CACNA2D3: variants seen among roughly 807,000 people sequenced by gnomAD.
The protein encoded by CACNA2D3 is voltage-dependent calcium channel subunit alpha-2/delta-3.
In CACNA2D3, 60 loss-of-function variants were observed where a neutral mutation model predicts 160.6. The observed-to-expected ratio is 0.37, with a 90% CI of 0.30 to 0.46. CACNA2D3 has a LOEUF of 0.46. Among genes scored for constraint, CACNA2D3 ranks in the 20% least tolerant of loss-of-function variants. The pLI is 1.00. For synonymous variants in CACNA2D3, 558 were observed against 492.9 expected (o/e 1.13, Z -1.75); for missense variants, 1,205 against 1,365.0 (o/e 0.88, Z 1.85).
At chr3:55,049,054 C>G (rs1179968148) in intron 35 of CACNA2D3, among the ~76,000 whole-genome samples, 1 of 151,266 alleles carries the variant, frequency 6.6e-6, no homozygotes, top group African/African-American at 2.4e-5. Flanking sequence ...AAAAAACCAG[C>G]TCCTGGATTC....
At chr3:54,237,008 CT>C (rs74553858) in intron 2 of CACNA2D3, among the ~76,000 whole-genome samples, 725 of 140,420 alleles carry the variant, frequency 5.2e-3, no homozygotes, top group Middle Eastern at 7.5e-3. Flanking sequence ...CCTGAAACTT[CT>C]TTTTTTTTTT....
chr3:54,642,224 A>T lies in CACNA2D3; in HGVS notation c.1150A>T (p.Asn384Tyr), dbSNP rs745356143. The change falls in exon 11 of 38, where the codon AAT becomes TAT. Residue 384 changes from asparagine (N) to tyrosine (Y), a missense_variant. Asn to Tyr is a moderately radical substitution (Grantham distance 143). Around this residue, in one of 3 missense-constraint regions of CACNA2D3, gnomAD observed 911 missense variants for 1,002.2 expected, o/e 0.91. Coordinates refer to ENST00000474759, the MANE Select transcript of CACNA2D3 (RefSeq NM_018398.3). ...DTYDTIFAKYNWPDRKVRIFT... is the reference protein window; with the variant it reads ...DTYDTIFAKYYWPDRKVRIFT... The stretch of plus-strand genomic sequence containing the variant: ...CTATGATACAATCTTTGCAAAATAC[A>T]ATTGGCCAGATCGAAAGGTAAGTTG... 1 of 1,610,552 alleles carries T rather than the reference A, an allele frequency of 6.2e-7. No individual in the cohort carries two copies. Among genetic ancestry groups the T allele is most frequent in the Non-Finnish European group, 8.5e-7 (1 of 1,177,966 alleles).
intron 4 of CACNA2D3, among the ~76,000 whole-genome samples, chr3:54,482,680 C>CA (rs1470777884): frequency 6.6e-5 from 10 of 152,168 alleles, no homozygotes; most frequent in Non-Finnish European, 8.8e-5. Flanking sequence ...GGGATTCACA[C>CA]ATTGAAGTTT....
chr3:54,200,089 G>A (rs769326180), intron 2 of CACNA2D3, among the ~76,000 whole-genome samples: 5 of 152,214 alleles, frequency 3.3e-5, no homozygotes, highest in African/African-American at 4.8e-5. Flanking sequence ...GTTTACCTGT[G>A]GAATCGGAGG....
intron 17 of CACNA2D3, among the ~76,000 whole-genome samples, chr3:54,866,829 G>T (rs1489471023): frequency 6.6e-6 from 1 of 152,200 alleles, no homozygotes; most frequent in Non-Finnish European, 1.5e-5. Context: ...TTGCTCCTCG[G>T]ATGAGTGCCC....
intron 2 of CACNA2D3, among the ~76,000 whole-genome samples, chr3:54,171,704 G>A (rs1254680607): frequency 6.6e-6 from 1 of 152,162 alleles, no homozygotes; most frequent in Non-Finnish European, 1.5e-5. Flanking sequence ...TGTTTTGCTA[G>A]CCCAAGGTCT....
At chr3:54,973,841 A>G (rs373316412) in intron 29 of CACNA2D3, among the ~76,000 whole-genome samples, 4 of 152,202 alleles carry the variant, frequency 2.6e-5, no homozygotes, top group African/African-American at 9.6e-5. Context: ...AGTAAGTGTC[A>G]AGCGTATTCC....
intron 2 of CACNA2D3, among the ~76,000 whole-genome samples, chr3:54,174,937 G>A (rs1700648071): frequency 6.6e-6 from 1 of 152,182 alleles, no homozygotes; most frequent in Non-Finnish European, 1.5e-5. Context: ...TGTTACCCTT[G>A]GTTTCTGCCT....
chr3:54,876,501 A>G (rs1048866115), intron 18 of CACNA2D3, among the ~76,000 whole-genome samples: 3 of 152,230 alleles, frequency 2.0e-5, no homozygotes, highest in Admixed American at 1.3e-4. Flanking sequence ...AGGACCTCAG[A>G]CTATGACGTG....
intron 11 of CACNA2D3, among the ~76,000 whole-genome samples, chr3:54,693,170 A>T (rs922586283): frequency 6.6e-5 from 10 of 152,258 alleles, no homozygotes; most frequent in African/African-American, 2.4e-4. Context: ...TCATCATCTC[A>T]TAGAAAAATG....
intron 2 of CACNA2D3, among the ~76,000 whole-genome samples, chr3:54,198,121 GCTGGTTCT>G (rs1701114155): frequency 6.6e-6 from 1 of 152,330 alleles, no homozygotes; most frequent in South Asian, 2.1e-4. Context: ...GATCTAAAAG[GCTGGTTCT>G]GTTCTTTACT....
At chr3:54,811,844 C>T (rs1362780062) in intron 13 of CACNA2D3, among the ~76,000 whole-genome samples, 1 of 152,164 alleles carries the variant, frequency 6.6e-6, no homozygotes, top group Non-Finnish European at 1.5e-5. Flanking sequence ...TGGTCACCGG[C>T]CTTCCTTCTC....
At chr3:54,825,568 A>C (rs1703732059) in intron 14 of CACNA2D3, among the ~76,000 whole-genome samples, 1 of 152,182 alleles carries the variant, frequency 6.6e-6, no homozygotes, top group Admixed American at 6.5e-5. Flanking sequence ...GTTTCCTGAA[A>C]TCAACAATGT....
chr3:54,419,169 G>A (rs1220100770), intron 4 of CACNA2D3, among the ~76,000 whole-genome samples: 4 of 152,226 alleles, frequency 2.6e-5, no homozygotes, highest in Non-Finnish European at 5.9e-5. Flanking sequence ...GTTCAGTCTC[G>A]GAACTTGAGC....
Position 54,570,113 on chromosome 3 carries a change from A to G in CACNA2D3, c.888+9A>G, listed in dbSNP as rs1235738056. ...TCTTCAACATAATTGCTGTGAGTGC[A>G]CCGTTTTGTGCCTTCTTTGCACTTG... On this transcript the variant is annotated intron_variant, in intron 8 of 37. Transcript: ENST00000474759. The G allele has an allele frequency of 3.1e-6, 5 of 1,611,246 alleles. No homozygotes were observed. The Admixed American group carries it at 8.3e-5, about 27-fold the overall frequency.
chr3:54,192,905 G>C (rs899532000), intron 2 of CACNA2D3, among the ~76,000 whole-genome samples: 4 of 152,142 alleles, frequency 2.6e-5, no homozygotes, highest in African/African-American at 9.7e-5. Context: ...GACCCATGAC[G>C]GGGAGGAAGA....
chr3:54,915,869 C>G (rs1049709733), intron 27 of CACNA2D3, among the ~76,000 whole-genome samples: 4 of 152,072 alleles, frequency 2.6e-5, no homozygotes, highest in African/African-American at 4.8e-5. Context: ...TAAAGACTGC[C>G]CATAAAGCAG....
At chr3:54,492,613 A>G (rs1290825451) in intron 4 of CACNA2D3, among the ~76,000 whole-genome samples, 1 of 152,236 alleles carries the variant, frequency 6.6e-6, no homozygotes, top group East Asian at 1.9e-4. Context: ...CATTTGGTCA[A>G]CCAACAACTG....
At chr3:54,386,616 C>A in intron 3 of CACNA2D3, 99 bp from the exon 4 acceptor site, 1 of 1,107,374 alleles carries the variant, frequency 9.0e-7, no homozygotes, top group Non-Finnish European at 1.3e-6. Flanking sequence ...AATGTATGAA[C>A]CACGATATAA....
Sources: gnomAD v4.1 joint callset for allele counts (sites outside exome capture counted in the v4.1 genomes callset) on GRCh38, gnomAD v4.1.1 for gene constraint, gnomAD v4.1.1 regional missense constraint, MANE v1.5 for transcripts, NCBI Gene and HGNC (gene_info 2026-07-23, HGNC 2026-07-21) for gene names.